PLCXD3: variants seen among roughly 807,000 people sequenced by gnomAD.
PLCXD3 encodes the protein PI-PLC X domain-containing protein 3.
PLCXD3 carries 19 observed loss-of-function variants against 25.5 expected under a neutral mutation model. The ratio of observed to expected loss-of-function variants is 0.75; its 90% CI spans 0.52 to 1.09. The LOEUF (loss-of-function observed/expected upper bound fraction) is 1.09. Ranked by LOEUF, PLCXD3 falls within the 50% of genes least tolerant of loss-of-function variation. The probability of loss-of-function intolerance (pLI) is 0.00; values close to 1 mark genes in which losing one functional copy is unlikely to be tolerated. For synonymous variants in PLCXD3, 174 were observed against 137.6 expected (o/e 1.26, Z -1.85); for missense variants, 411 against 388.1 (o/e 1.06, Z -0.50).
chr5:41,377,340 C>A (rs1745327849), intron 2 of PLCXD3, among the ~76,000 whole-genome samples: 1 of 151,760 alleles, frequency 6.6e-6, no homozygotes, highest in African/African-American at 2.4e-5. Flanking sequence ...TTATATTAAT[C>A]ATTACCTAAA....
chr5:41,414,467 A>G (rs1189766996), intron 1 of PLCXD3, among the ~76,000 whole-genome samples: 1 of 152,220 alleles, frequency 6.6e-6, no homozygotes, highest in African/African-American at 2.4e-5. Flanking sequence ...TAATTAAGAA[A>G]GACACTTCTA....
chr5:41,381,722 G>C (rs1245105533), intron 2 of PLCXD3, 104 bp downstream of exon 2: 1 of 1,023,504 alleles, frequency 9.8e-7, no homozygotes, highest in African/African-American at 1.6e-5. Context: ...GCAGCCCCAG[G>C]GACCTAATAT....
chr5:41,490,075 C>A (rs1748621384), intron 1 of PLCXD3, among the ~76,000 whole-genome samples: 1 of 151,998 alleles, frequency 6.6e-6, no homozygotes, highest in South Asian at 2.1e-4. Flanking sequence ...GTGGGTTTGT[C>A]ATAGATAGCT....
At chr5:41,408,280 G>T (rs1430032338) in intron 1 of PLCXD3, among the ~76,000 whole-genome samples, 1 of 152,152 alleles carries the variant, frequency 6.6e-6, no homozygotes, top group Non-Finnish European at 1.5e-5. Context: ...TGAATGTGAG[G>T]TATTAAGGTA....
At chr5:41,369,627 G>A (rs1000191230) in intron 2 of PLCXD3, among the ~76,000 whole-genome samples, 2 of 151,922 alleles carry the variant, frequency 1.3e-5, no homozygotes, top group African/African-American at 4.8e-5. Context: ...ATTACAGGTG[G>A]CCACCACCAT....
intron 1 of PLCXD3, among the ~76,000 whole-genome samples, chr5:41,496,566 A>G (rs1748842402): frequency 6.6e-6 from 1 of 151,088 alleles, no homozygotes; most frequent in African/African-American, 2.4e-5. Context: ...ACCAACCGAG[A>G]GCACAATATC....
At chr5:41,468,590 C>G (rs1748078825) in intron 1 of PLCXD3, among the ~76,000 whole-genome samples, 1 of 152,026 alleles carries the variant, frequency 6.6e-6, no homozygotes, top group Non-Finnish European at 1.5e-5. Flanking sequence ...GGTCATTTAC[C>G]TCCTTGGTTA....
At chr5:41,384,204 C>T (rs2150493681) in intron 1 of PLCXD3, among the ~76,000 whole-genome samples, 1 of 152,090 alleles carries the variant, frequency 6.6e-6, no homozygotes, top group Middle Eastern at 3.4e-3. Context: ...AATGTCAGTC[C>T]TTTCTGAATA....
At chr5:41,397,198 G>A (rs1336630892) in intron 1 of PLCXD3, among the ~76,000 whole-genome samples, 1 of 152,178 alleles carries the variant, frequency 6.6e-6, no homozygotes, top group Non-Finnish European at 1.5e-5. Flanking sequence ...TCCTATCACA[G>A]GCCTGGAGGC....
intron 2 of PLCXD3, among the ~76,000 whole-genome samples, chr5:41,339,186 T>C (rs1744066937): frequency 6.6e-6 from 1 of 152,110 alleles, no homozygotes; most frequent in Admixed American, 6.6e-5. Context: ...GAATCTCCTC[T>C]CTGCTTCCAA....
intron 2 of PLCXD3, among the ~76,000 whole-genome samples, chr5:41,317,728 C>T (rs747682390): frequency 6.6e-6 from 1 of 151,622 alleles, no homozygotes; most frequent in Non-Finnish European, 1.5e-5. Context: ...AATTGGTATA[C>T]TAAAGAATGC....
At chr5:41,461,116 T>C (rs1229845005) in intron 1 of PLCXD3, among the ~76,000 whole-genome samples, 2 of 152,000 alleles carry the variant, frequency 1.3e-5, no homozygotes, top group African/African-American at 2.4e-5. Context: ...TGGTATTACA[T>C]TGGTTTATTG....
intron 1 of PLCXD3, among the ~76,000 whole-genome samples, chr5:41,440,215 A>ATTTTTTTTTTTTTTTTT (rs70988846): frequency 1.1e-3 from 46 of 41,080 alleles, no homozygotes; most frequent in African/African-American, 1.9e-3. Context: ...TAATCTCTCA[A>ATTTTTTTTTTTTTTTTT]TTTTTTTTTT....
intron 1 of PLCXD3, among the ~76,000 whole-genome samples, chr5:41,406,357 T>A (rs1426230739): frequency 6.6e-6 from 1 of 152,108 alleles, no homozygotes; most frequent in Non-Finnish European, 1.5e-5. Flanking sequence ...TTAGAGCCCC[T>A]GTGTGCCTAT....
At position 41,313,615 on chromosome 5, in the gene PLCXD3, T is replaced by C. The variant is rs1474875090; in HGVS notation, c.*2A>G. The stretch of plus-strand genomic sequence containing the variant: ...TATTCATGGAAACTCCAAGTAGTGC[T>C]ATCAAGTGTTGGCTTCTCCTTCATC... On this transcript the variant is annotated 3_prime_UTR_variant, in exon 3 of 3. Transcript: ENST00000377801. 1 of 1,613,650 alleles carries C rather than the reference T, an allele frequency of 6.2e-7. No homozygotes were observed. The highest frequency in any genetic ancestry group is 1.3e-5 in the African/African-American group (1 of 74,908).
chr5:41,458,742 A>G (rs931031287), intron 1 of PLCXD3, among the ~76,000 whole-genome samples: 1 of 151,988 alleles, frequency 6.6e-6, no homozygotes, highest in African/African-American at 2.4e-5. Context: ...AATGAAAAAT[A>G]AGAGTTCAGA....
chr5:41,372,292 TCTCTCTCA>T (rs1462826459), intron 2 of PLCXD3, among the ~76,000 whole-genome samples: 2 of 134,548 alleles, frequency 1.5e-5, no homozygotes, highest in Non-Finnish European at 3.2e-5. Flanking sequence ...TCTCTCTCTC[TCTCTCTCA>T]CACACACACA....
At chr5:41,430,725 T>G (rs1268835870) in intron 1 of PLCXD3, among the ~76,000 whole-genome samples, 2 of 152,176 alleles carry the variant, frequency 1.3e-5, no homozygotes, top group Non-Finnish European at 2.9e-5. Context: ...GTCAGAGTAG[T>G]AATTAGCGCT....
intron 1 of PLCXD3, among the ~76,000 whole-genome samples, chr5:41,452,203 G>T (rs932272413): frequency 6.6e-6 from 1 of 151,898 alleles, no homozygotes; most frequent in Admixed American, 6.6e-5. Flanking sequence ...TATAAGTTTG[G>T]ATCAGACCAT....
Sources: gnomAD v4.1 joint callset for allele counts (sites outside exome capture counted in the v4.1 genomes callset) on GRCh38, gnomAD v4.1.1 for gene constraint, MANE v1.5 for transcripts, NCBI Gene and HGNC (gene_info 2026-07-23, HGNC 2026-07-21) for gene names.